Variants in EPHA5 observed in about 807,000 individuals in gnomAD.
The protein encoded by EPHA5 is ephrin type-A receptor 5.
Under a neutral mutation model 105.0 loss-of-function variants are expected in EPHA5, and 60 were observed. The ratio of observed to expected loss-of-function variants is 0.57; its 90% CI spans 0.46 to 0.71. The LOEUF (loss-of-function observed/expected upper bound fraction) is 0.71. Among genes scored for constraint, EPHA5 ranks in the 30% least tolerant of loss-of-function variants. EPHA5 has a pLI of 0.00. For synonymous variants in EPHA5, 513 were observed against 449.1 expected, an observed-to-expected ratio of 1.14 and a Z score of -1.80; for missense variants, 1,218 against 1,274.7, an observed-to-expected ratio of 0.96 and a Z score of 0.68.
chr4:65,340,095 C>G (rs1265775958), intron 14 of EPHA5, among the ~76,000 whole-genome samples: 1 of 152,130 alleles, frequency 6.6e-6, no homozygotes, highest in Non-Finnish European at 1.5e-5. Context: ...AATACTCTCT[C>G]TATGCCAATT....
intron 9 of EPHA5, 121 bp from the exon 10 acceptor site, chr4:65,366,178 G>C: frequency 1.2e-6 from 1 of 862,020 alleles, no homozygotes; most frequent in Non-Finnish European, 1.7e-6. Context: ...AAACTGCAAG[G>C]ACCAGCCCTC....
chr4:65,515,591 A>T (rs1340203237), intron 3 of EPHA5, among the ~76,000 whole-genome samples: 1 of 152,076 alleles, frequency 6.6e-6, no homozygotes, highest in African/African-American at 2.4e-5. Context: ...TTTTGTGAAA[A>T]TTTATAGGAT....
At chr4:65,538,025 A>G (rs1037239184) in intron 3 of EPHA5, among the ~76,000 whole-genome samples, 7 of 151,832 alleles carry the variant, frequency 4.6e-5, no homozygotes, top group South Asian at 2.1e-4. Flanking sequence ...TTAGAAAAAT[A>G]AAATAACATT....
intron 3 of EPHA5, among the ~76,000 whole-genome samples, chr4:65,541,785 A>G (rs1410983059): frequency 6.6e-6 from 1 of 152,012 alleles, no homozygotes; most frequent in Admixed American, 6.6e-5. Flanking sequence ...AAGCAACAGA[A>G]TATACATTCT....
chr4:65,373,205 AATAG>A (rs1441596774), intron 8 of EPHA5, among the ~76,000 whole-genome samples: 2 of 151,900 alleles, frequency 1.3e-5, no homozygotes, highest in African/African-American at 4.8e-5. Flanking sequence ...TATTTTTAAA[AATAG>A]ATAGTTTGGA....
Position 65,323,701 on chromosome 4 carries a change from A to G in EPHA5, c.*413T>C. ...CTTGAAGTAAACTTCAGTAAACTGT[A>G]GCTTTTGTTAGCTCACAAATGGCTA... On this transcript the variant is annotated 3_prime_UTR_variant, in exon 17 of 17. Transcript: ENST00000613740. 8.7e-6 allele frequency: 2 copies of G among 230,990 alleles called. No individual in the cohort carries two copies. Among genetic ancestry groups the G allele is most frequent in the African/African-American group, 2.2e-5 (1 of 45,282 alleles). 14.3% of individuals were successfully genotyped at this position (230,990 alleles called of 1,614,324 possible). A position where few individuals can be genotyped will look rare whatever the true frequency, so the allele number is the denominator to read the frequency against.
rs551093014 is a variant in EPHA5, at chr4:65,371,829, C to T, written c.1794-4405G>A. Reference sequence around the variant, plus strand: ...ATTTTTTTCACCTTAATCTAAATAACGTACAGTGGATCACAATAGGGGAAG... The same window carrying T: ...ATTTTTTTCACCTTAATCTAAATAATGTACAGTGGATCACAATAGGGGAAG... On this transcript the variant is annotated intron_variant, in intron 8 of 16. Transcript: ENST00000613740. Among the ~76,000 whole-genome samples, 6 of 151,988 alleles carry T rather than the reference C, an allele frequency of 3.9e-5. No homozygotes were observed. In the East Asian group the frequency reaches 7.7e-4, roughly 20 times the overall value.
chr4:65,515,336 C>T (rs1734004783), intron 3 of EPHA5, among the ~76,000 whole-genome samples: 2 of 152,102 alleles, frequency 1.3e-5, no homozygotes, highest in South Asian at 4.1e-4. Context: ...AGTTCATTTG[C>T]ATTTCCATTT....
intron 5 of EPHA5, among the ~76,000 whole-genome samples, chr4:65,427,163 A>C (rs1724516671): frequency 6.7e-6 from 1 of 150,336 alleles, no homozygotes; most frequent in African/African-American, 2.4e-5. Context: ...TATGTTTAGT[A>C]ATTATAAAAC....
In EPHA5 at chr4:65,601,692, C is replaced by T. The variant is rs761454685; in HGVS notation, c.859G>A (p.Gly287Arg). 6.2e-7 allele frequency: 1 copy of T among 1,614,046 alleles called. No homozygotes were observed. The highest frequency in any genetic ancestry group is 8.5e-7 in the Non-Finnish European group (1 of 1,179,982). The change falls in exon 3 of 17, where the codon GGG becomes AGG. Residue 287 changes from glycine (G) to arginine (R), a missense_variant. Transcript: ENST00000613740. The stretch of plus-strand genomic sequence containing the variant: ...TATCCTGCCTTGCACATGCATTTCC[C>T]GATGGGCACCAGCCACTCCCCTTCG... ...SAEGEWLVPI[G>R]KCMCKAGYEE...
intron 7 of EPHA5, among the ~76,000 whole-genome samples, chr4:65,411,003 GT>G: frequency 6.6e-6 from 1 of 152,000 alleles, no homozygotes; most frequent in Non-Finnish European, 1.5e-5. Context: ...TGGCTGAATG[GT>G]TTTATTCATG....
chr4:65,513,475 C>T (rs1361426521), intron 3 of EPHA5, among the ~76,000 whole-genome samples: 1 of 152,074 alleles, frequency 6.6e-6, no homozygotes, highest in African/African-American at 2.4e-5. Context: ...CAACCTCCGT[C>T]GCCCAGGTTC....
chr4:65,547,421 G>A (rs534159264), intron 3 of EPHA5, among the ~76,000 whole-genome samples: 24 of 151,854 alleles, frequency 1.6e-4, no homozygotes, highest in African/African-American at 5.8e-4. Context: ...AAAAAGGTCA[G>A]TCAATATACA....
At chr4:65,439,435 C>A in intron 5 of EPHA5, among the ~76,000 whole-genome samples, 1 of 148,030 alleles carries the variant, frequency 6.8e-6, no homozygotes, top group Non-Finnish European at 1.5e-5. Flanking sequence ...CACCCCCACA[C>A]CACCCCCCGC....
At chr4:65,563,219 GTT>G (rs1336416086) in intron 3 of EPHA5, among the ~76,000 whole-genome samples, 1 of 151,890 alleles carries the variant, frequency 6.6e-6, no homozygotes, top group Non-Finnish European at 1.5e-5. Context: ...CCTGTCCCTT[GTT>G]CAAAAGTTGC....
At chr4:65,409,777 C>G (rs1468480101) in intron 7 of EPHA5, among the ~76,000 whole-genome samples, 1 of 152,130 alleles carries the variant, frequency 6.6e-6, no homozygotes, top group African/African-American at 2.4e-5. Context: ...ACATTAAAAA[C>G]AGTATGGTAG....
chr4:65,395,780 C>T (rs1481766393), intron 8 of EPHA5, among the ~76,000 whole-genome samples: 1 of 152,148 alleles, frequency 6.6e-6, no homozygotes, highest in Non-Finnish European at 1.5e-5. Flanking sequence ...GGCATTAAGC[C>T]ATTTCTCAAA....
chr4:65,403,749 A>G (rs891687492), intron 8 of EPHA5, among the ~76,000 whole-genome samples: 3 of 152,102 alleles, frequency 2.0e-5, no homozygotes, highest in Admixed American at 1.3e-4. Context: ...AAAAATGTAG[A>G]TATGTAATAT....
At chr4:65,546,619 AG>A (rs1737398606) in intron 3 of EPHA5, among the ~76,000 whole-genome samples, 1 of 151,962 alleles carries the variant, frequency 6.6e-6, no homozygotes, top group African/African-American at 2.4e-5. Flanking sequence ...TTATAATTCC[AG>A]TTTTCTAATT....
Sources: gnomAD v4.1 joint callset for allele counts (sites outside exome capture counted in the v4.1 genomes callset) on GRCh38, gnomAD v4.1.1 for gene constraint, MANE v1.5 for transcripts, NCBI Gene and HGNC (gene_info 2026-07-23, HGNC 2026-07-21) for gene names.